The following FBXO16 variants were observed in gnomAD, a reference collection of about 807,000 sequenced individuals.
FBXO16 encodes the protein F-box protein 16.
In FBXO16, 31 loss-of-function variants were observed where a neutral mutation model predicts 41.0. The observed-to-expected ratio is 0.76, with a 90% CI of 0.57 to 1.02. The LOEUF (loss-of-function observed/expected upper bound fraction) is 1.02, where lower values mean the gene tolerates loss of function less well. Ranked by LOEUF, FBXO16 falls within the 50% of genes least tolerant of loss-of-function variation. The pLI, the probability that FBXO16 is intolerant of heterozygous loss-of-function variation, is 0.00. For missense variants in FBXO16, 361 were observed against 346.2 expected (o/e 1.04, Z -0.34); for synonymous variants, 133 against 117.8 (o/e 1.13, Z -0.84).
chr8:28,431,193 T>A (rs1207911268), intron 7 of FBXO16, among the ~76,000 whole-genome samples: 1 of 152,106 alleles, frequency 6.6e-6, no homozygotes, highest in East Asian at 1.9e-4. Context: ...CCCTCCCTTT[T>A]CACCATGGCA....
chr8:28,463,180 A>G (rs1163269342), intron 4 of FBXO16, among the ~76,000 whole-genome samples: 3 of 149,598 alleles, frequency 2.0e-5, no homozygotes, highest in South Asian at 2.1e-4. Flanking sequence ...TTGTGTGTGT[A>G]TATGTGTGTA....
chr8:28,476,649 A>T (rs1470010604), intron 2 of FBXO16, among the ~76,000 whole-genome samples: 1 of 152,180 alleles, frequency 6.6e-6, no homozygotes, highest in Non-Finnish European at 1.5e-5. Context: ...TCAAAATCCC[A>T]CGGTTGTTAT....
At chr8:28,458,081 T>C (rs1350013400) in intron 4 of FBXO16, among the ~76,000 whole-genome samples, 2 of 152,218 alleles carry the variant, frequency 1.3e-5, no homozygotes. Flanking sequence ...ATTTCACCCT[T>C]AGAAAACTGG....
rs996297906 is a variant in FBXO16, at chr8:28,481,141, G to A, written c.99+2207C>T. ...AGTTGGCTGAGGTCAGATCATGAAAGATCCTCAACGCTATGCCTGGGGGTG... is the reference window on the plus strand; with the variant it reads ...AGTTGGCTGAGGTCAGATCATGAAAAATCCTCAACGCTATGCCTGGGGGTG... On this transcript the variant is annotated intron_variant, in intron 2 of 8. Transcript: ENST00000380254. Among the ~76,000 whole-genome samples the A allele has an allele frequency of 3.3e-5, 5 of 152,314 alleles. No individual in the cohort carries two copies. In the South Asian group the frequency reaches 8.3e-4, roughly 25 times the overall value.
At chr8:28,476,791 T>A (rs1013517846) in intron 2 of FBXO16, among the ~76,000 whole-genome samples, 1 of 152,204 alleles carries the variant, frequency 6.6e-6, no homozygotes, top group African/African-American at 2.4e-5. Context: ...AACACTTTTT[T>A]AACATGTACT....
At chr8:28,429,905 T>A (rs1802582092) in intron 7 of FBXO16, among the ~76,000 whole-genome samples, 1 of 152,180 alleles carries the variant, frequency 6.6e-6, no homozygotes, top group African/African-American at 2.4e-5. Flanking sequence ...GAAGCTTGCA[T>A]GTCTCCATCC....
At chr8:28,450,719 T>A (rs1802939040) in intron 6 of FBXO16, among the ~76,000 whole-genome samples, 1 of 152,162 alleles carries the variant, frequency 6.6e-6, no homozygotes, top group African/African-American at 2.4e-5. Context: ...CTTGTACCTA[T>A]GTGCTGGTTT....
chr8:28,437,036 G>A lies in FBXO16; in HGVS notation c.844-7633C>T, dbSNP rs142454541. ...CCCAAAGTGCTGGGATTACAGGCAT[G>A]AGCCACTGCATCCAACCTACATACA... On this transcript the variant is annotated intron_variant, in intron 7 of 8. Transcript: ENST00000380254. Among the ~76,000 whole-genome samples, 925 of 152,294 alleles carry A rather than the reference G, an allele frequency of 6.1e-3. 16 individuals are homozygous for A. The highest frequency in any genetic ancestry group is 0.021 in the African/African-American group (861 of 41,566).
chr8:28,471,428 TTCCC>T (rs1402982891), intron 3 of FBXO16, among the ~76,000 whole-genome samples: 1 of 151,480 alleles, frequency 6.6e-6, no homozygotes, highest in Non-Finnish European at 1.5e-5. Flanking sequence ...CCTTCCTTCC[TTCCC>T]TCCTTCCTTC....
chr8:28,478,216 T>C (rs1242979900), intron 2 of FBXO16, among the ~76,000 whole-genome samples: 1 of 152,184 alleles, frequency 6.6e-6, no homozygotes, highest in Non-Finnish European at 1.5e-5. Context: ...ATACATATTA[T>C]CTTGAGAAGT....
At chr8:28,447,397 G>A (rs1802882274) in intron 6 of FBXO16, 124 bp from the exon 7 acceptor site, 2 of 785,286 alleles carry the variant, frequency 2.5e-6, no homozygotes, top group South Asian at 1.7e-5. Context: ...CCACTTAACT[G>A]GAAATAAGCC....
intron 5 of FBXO16, among the ~76,000 whole-genome samples, chr8:28,454,542 C>T (rs1198868942): frequency 6.6e-6 from 1 of 151,286 alleles, no homozygotes; most frequent in Non-Finnish European, 1.5e-5. Flanking sequence ...TCCTGGCTAA[C>T]ATGGTGAAAC....
chr8:28,474,751 C>G (rs1429954287), intron 2 of FBXO16, among the ~76,000 whole-genome samples: 2 of 152,190 alleles, frequency 1.3e-5, no homozygotes, highest in African/African-American at 4.8e-5. Context: ...GAAACTAAGT[C>G]TTATTCATCT....
chr8:28,464,222 T>C lies in FBXO16; in HGVS notation c.136-404A>G, dbSNP rs535362670. On this transcript the variant is annotated intron_variant, in intron 3 of 8. Transcript: ENST00000380254. ...CAGCAGGACCAGAAACAAATCCTTGTATTCACAATTGGAGATAAAGTATTA... is the reference window on the plus strand; with the variant it reads ...CAGCAGGACCAGAAACAAATCCTTGCATTCACAATTGGAGATAAAGTATTA... 1.9e-4 allele frequency among the ~76,000 whole-genome samples: 29 copies of C among 152,364 alleles called. 1 individual carries two copies. Among genetic ancestry groups the C allele is most frequent in the African/African-American group, 6.7e-4 (28 of 41,594 alleles).
chr8:28,440,927 A>AT (rs1019174493), intron 7 of FBXO16, among the ~76,000 whole-genome samples: 2 of 152,170 alleles, frequency 1.3e-5, no homozygotes, highest in African/African-American at 4.8e-5. Context: ...AAGAAACAAG[A>AT]TGTCAGCTAG....
At chr8:28,459,960 A>C (rs1803099217) in intron 4 of FBXO16, among the ~76,000 whole-genome samples, 1 of 151,814 alleles carries the variant, frequency 6.6e-6, no homozygotes, top group East Asian at 1.9e-4. Flanking sequence ...CGGGAGGCGG[A>C]GGTTGCAGTG....
At chr8:28,448,502 G>A (rs1341037560) in intron 6 of FBXO16, among the ~76,000 whole-genome samples, 2 of 152,110 alleles carry the variant, frequency 1.3e-5, no homozygotes, top group Non-Finnish European at 2.9e-5. Context: ...AAAACAAAAT[G>A]AAGTGAAAAA....
At chr8:28,455,081 AT>A (rs111415524) in intron 5 of FBXO16, among the ~76,000 whole-genome samples, 46,405 of 144,258 alleles carry the variant, frequency 0.32, 7,175 homozygotes, top group East Asian at 0.54. Context: ...AATTACATTG[AT>A]TTTTTTTTTT....
rs541162369 is a variant in FBXO16 at position 28,463,226 on chromosome 8, G to A, written c.342+386C>T. On this transcript the variant is annotated intron_variant, in intron 4 of 8. Coordinates refer to ENST00000380254, the MANE Select transcript of FBXO16 (RefSeq NM_172366.4). ...TGTGTTTGTGTGTTTATGTGTGTCC[G>A]TGTGTGTGTTTGTGTACACGTTTGT... Among the ~76,000 whole-genome samples the A allele has an allele frequency of 2.5e-3, 369 of 150,250 alleles. 4 individuals carry two copies. Among genetic ancestry groups the A allele is most frequent in the African/African-American group, 8.0e-3 (320 of 40,072 alleles).
Sources: allele counts gnomAD v4.1 joint callset (sites outside exome capture counted in the v4.1 genomes callset), GRCh38; gene constraint gnomAD v4.1.1; transcripts MANE v1.5; gene names NCBI Gene and HGNC (gene_info 2026-07-23, HGNC 2026-07-21).